The following OTUD7A variants were observed in gnomAD, a reference collection of about 807,000 sequenced individuals.
OTUD7A encodes the protein OTU deubiquitinase 7A.
OTUD7A carries 12 observed loss-of-function variants against 65.7 expected under a neutral mutation model. The ratio of observed to expected loss-of-function variants is 0.18; its 90% CI spans 0.12 to 0.30. The LOEUF (loss-of-function observed/expected upper bound fraction) is 0.30, where lower values mean the gene tolerates loss of function less well. Ranked by LOEUF, OTUD7A falls within the 10% of genes least tolerant of loss-of-function variation. The pLI is 1.00. For missense variants in OTUD7A, 1,148 were observed against 1,304.8 expected (o/e 0.88, Z 1.85); for synonymous variants, 641 against 586.3 (o/e 1.09, Z -1.35).
At chr15:31,515,686 T>G (rs1296686215) in intron 8 of OTUD7A, among the ~76,000 whole-genome samples, 1 of 135,368 alleles carries the variant, frequency 7.4e-6, no homozygotes, top group Admixed American at 8.1e-5. Flanking sequence ...CCCATCCACT[T>G]GTCCATCCAT....
intron 1 of OTUD7A, chr15:31,767,323 G>A (rs1289592429): frequency 2.6e-6 from 2 of 783,784 alleles, no homozygotes; most frequent in Non-Finnish European, 4.6e-6. Context: ...ATGTTCACAA[G>A]TAATTCGTAA....
At chr15:31,794,276 C>A (rs1784654057) in intron 1 of OTUD7A, among the ~76,000 whole-genome samples, 1 of 152,202 alleles carries the variant, frequency 6.6e-6, no homozygotes, top group African/African-American at 2.4e-5. Flanking sequence ...GTATTTACAT[C>A]AGGACCACCA....
At chr15:31,623,870 G>T (rs554895273) in intron 3 of OTUD7A, among the ~76,000 whole-genome samples, 9 of 152,214 alleles carry the variant, frequency 5.9e-5, no homozygotes, top group Non-Finnish European at 1.0e-4. Context: ...GCTGGGAGCT[G>T]TAGACTGGAG....
chr15:31,500,268 C>CGGA (rs1360205157), intron 10 of OTUD7A, among the ~76,000 whole-genome samples: 5 of 152,212 alleles, frequency 3.3e-5, no homozygotes, highest in African/African-American at 1.2e-4. Context: ...ATGGAAAGAC[C>CGGA]GGAGCACCTC....
chr15:31,828,323 T>C (rs1896848910), intron 1 of OTUD7A, among the ~76,000 whole-genome samples: 1 of 152,234 alleles, frequency 6.6e-6, no homozygotes, highest in Admixed American at 6.5e-5. Flanking sequence ...TTTTAATTTT[T>C]AAAAACTTTT....
chr15:31,639,935 T>G (rs1891461276), intron 3 of OTUD7A, among the ~76,000 whole-genome samples: 1 of 152,246 alleles, frequency 6.6e-6, no homozygotes, highest in East Asian at 1.9e-4. Flanking sequence ...ATATATGATT[T>G]GCAGTATTTT....
intron 3 of OTUD7A, among the ~76,000 whole-genome samples, chr15:31,581,288 G>A (rs1889362934): frequency 6.6e-6 from 1 of 152,214 alleles, no homozygotes; most frequent in Non-Finnish European, 1.5e-5. Context: ...TTCACAGGCT[G>A]GCATTGAGTG....
intron 1 of OTUD7A, among the ~76,000 whole-genome samples, chr15:31,668,093 A>G (rs1427592999): frequency 1.3e-5 from 2 of 152,162 alleles, no homozygotes; most frequent in Non-Finnish European, 2.9e-5. Context: ...CTTCATCTGA[A>G]CTTTAGATAA....
At chr15:31,519,309 C>A (rs1451038140) in intron 8 of OTUD7A, among the ~76,000 whole-genome samples, 1 of 152,226 alleles carries the variant, frequency 6.6e-6, no homozygotes, top group Non-Finnish European at 1.5e-5. Context: ...ATATCACATT[C>A]ATTGATTTGT....
intron 1 of OTUD7A, among the ~76,000 whole-genome samples, chr15:31,741,097 T>C (rs1894330644): frequency 6.6e-6 from 1 of 152,212 alleles, no homozygotes; most frequent in African/African-American, 2.4e-5. Context: ...TTTATCATAC[T>C]CTGAGCCATA....
intron 1 of OTUD7A, among the ~76,000 whole-genome samples, chr15:31,735,857 A>G (rs1894175904): frequency 6.6e-6 from 1 of 152,256 alleles, no homozygotes; most frequent in Admixed American, 6.5e-5. Context: ...TGGTACATAA[A>G]CATCATGGAA....
At chr15:31,862,180 C>T (rs888029291) in intron 1 of OTUD7A, among the ~76,000 whole-genome samples, 2 of 152,210 alleles carry the variant, frequency 1.3e-5, no homozygotes, top group Non-Finnish European at 2.9e-5. Flanking sequence ...TCCTCTCTCC[C>T]ACCCCCTAGT....
chr15:31,868,280 A>G (rs1897932494), intron 1 of OTUD7A, among the ~76,000 whole-genome samples: 1 of 152,224 alleles, frequency 6.6e-6, no homozygotes. Flanking sequence ...AGTGACCCAT[A>G]CCTAAAGATT....
chr15:31,674,828 T>C (rs1892560925), intron 1 of OTUD7A, among the ~76,000 whole-genome samples: 1 of 152,104 alleles, frequency 6.6e-6, no homozygotes, highest in African/African-American at 2.4e-5. Flanking sequence ...CATCTGCAAG[T>C]CCACCCACCA....
chr15:31,691,558 C>T (rs557059790), intron 1 of OTUD7A, among the ~76,000 whole-genome samples: 112 of 151,772 alleles, frequency 7.4e-4, no homozygotes, highest in Admixed American at 1.8e-3. Context: ...AAACTAGACC[C>T]TCATCTCATC....
chr15:31,559,526 A>G (rs1595610525), intron 4 of OTUD7A, among the ~76,000 whole-genome samples: 1 of 152,280 alleles, frequency 6.6e-6, no homozygotes, highest in African/African-American at 2.4e-5. Context: ...ACACATGAAT[A>G]CGAAAGCATA....
In OTUD7A at chr15:31,638,378, C is replaced by CTTT. The variant is rs34239466; in HGVS notation, c.151+16715_151+16717dup. 5.0e-4 allele frequency among the ~76,000 whole-genome samples: 67 copies of CTTT among 134,566 alleles called. 3 individuals are homozygous for CTTT. Among genetic ancestry groups the CTTT allele is most frequent in the African/African-American group, 4.0e-4 (14 of 35,220 alleles). 88.3% of individuals were successfully genotyped at this position (134,566 alleles called of 152,430 possible). On this transcript the variant is annotated intron_variant, in intron 3 of 12. Coordinates refer to ENST00000307050, the MANE Select transcript of OTUD7A (RefSeq NM_001382637.1). ...AGACTACAGAATAGTATAAAGATAACTTTTTTTTTTTTTTTTTTTGAGACA... is the reference window on the plus strand; with the variant it reads ...AGACTACAGAATAGTATAAAGATAACTTTTTTTTTTTTTTTTTTTTTTGAGACA...
chr15:31,710,452 G>A (rs1442792896), intron 1 of OTUD7A, among the ~76,000 whole-genome samples: 1 of 151,438 alleles, frequency 6.6e-6, no homozygotes, highest in Non-Finnish European at 1.5e-5. Flanking sequence ...CCAGCCGCAC[G>A]GCCATGGGAA....
chr15:31,489,253 G>A (rs1055604683), intron 10 of OTUD7A, among the ~76,000 whole-genome samples: 1 of 152,192 alleles, frequency 6.6e-6, no homozygotes, highest in Non-Finnish European at 1.5e-5. Flanking sequence ...CCCCATGAAT[G>A]GATGGGCCAA....
Sources: gnomAD v4.1 joint callset for allele counts (sites outside exome capture counted in the v4.1 genomes callset) on GRCh38, gnomAD v4.1.1 for gene constraint, MANE v1.5 for transcripts, NCBI Gene and HGNC (gene_info 2026-07-23, HGNC 2026-07-21) for gene names.